Variants in OR52N1 observed in about 807,000 individuals in gnomAD.
The protein encoded by OR52N1 is olfactory receptor family 52 subfamily N member 1.
A neutral mutation model predicts 13.9 loss-of-function variants in OR52N1; 11 were observed. The ratio of observed to expected loss-of-function variants is 0.79; its 90% CI spans 0.50 to 1.31. The LOEUF is 1.31. OR52N1 is among the 40% of genes most tolerant of loss of function. The pLI is 0.00. For synonymous variants in OR52N1, 142 were observed against 143.7 expected, an observed-to-expected ratio of 0.99 and a Z score of 0.08; for missense variants, 414 against 397.7, an observed-to-expected ratio of 1.04 and a Z score of -0.35.
At chr11:5,790,037 T>C (rs1297064162) in intron 1 of OR52N1, among the ~76,000 whole-genome samples, 9 of 152,098 alleles carry the variant, frequency 5.9e-5, no homozygotes. Flanking sequence ...TGGGGGCATA[T>C]CCCATATAGA....
intron 1 of OR52N1, among the ~76,000 whole-genome samples, chr11:5,790,386 CTCTT>C (rs938194282): frequency 1.3e-5 from 2 of 152,024 alleles, no homozygotes; most frequent in Admixed American, 1.3e-4. Flanking sequence ...GCTGTCATCT[CTCTT>C]TTTTTCAGAT....
intron 1 of OR52N1, among the ~76,000 whole-genome samples, chr11:5,790,165 T>C (rs1854640839): frequency 6.6e-6 from 1 of 152,116 alleles, no homozygotes; most frequent in Admixed American, 6.6e-5. Flanking sequence ...ATGTCACTAT[T>C]GAAAATTTAA....
chr11:5,789,889 T>C (rs1564966002), intron 1 of OR52N1, among the ~76,000 whole-genome samples: 1 of 152,042 alleles, frequency 6.6e-6, no homozygotes, highest in Non-Finnish European at 1.5e-5. Flanking sequence ...GGTGTGATAG[T>C]GTGCTGTGAG....
intron 1 of OR52N1, among the ~76,000 whole-genome samples, chr11:5,790,712 T>C (rs1456306618): frequency 2.6e-5 from 4 of 152,116 alleles, no homozygotes; most frequent in African/African-American, 9.7e-5. Flanking sequence ...TTGAGCTTTT[T>C]CTCATATGAT....
chr11:5,789,615 A>C (rs567735708), intron 1 of OR52N1, among the ~76,000 whole-genome samples: 1 of 152,258 alleles, frequency 6.6e-6, no homozygotes, highest in East Asian at 1.9e-4. Context: ...TTATCATCTT[A>C]AACAAAATAA....
At position 5,788,180 on chromosome 11, in the gene OR52N1, T is replaced by C. The variant is rs960914658; in HGVS notation, c.637A>G (p.Ile213Val). The change falls in exon 2 of 2, where the codon ATC becomes GTC. Residue 213 changes from isoleucine (I) to valine (V), a missense_variant. Ile to Val is a conservative substitution (Grantham distance 29, BLOSUM62 3). Coordinates refer to ENST00000641645, the MANE Select transcript of OR52N1 (RefSeq NM_001001913.2). ...IVALLIGGFD[I>V]LCITISYTMI... ...GTGTAGGAGATTGTAATGCACAGGA[T>C]ATCAAAGCCCCCAATCAGCAGGGCA... 3 of 1,613,830 alleles carry C rather than the reference T, an allele frequency of 1.9e-6. No individual in the cohort carries two copies. The highest frequency in any genetic ancestry group is 2.5e-6 in the Non-Finnish European group (3 of 1,179,958).
At chr11:5,790,178 T>A (rs889909786) in intron 1 of OR52N1, among the ~76,000 whole-genome samples, 4 of 152,102 alleles carry the variant, frequency 2.6e-5, no homozygotes, top group Admixed American at 6.6e-5. Flanking sequence ...AAATTTAAGG[T>A]TGTATAAAAC....
In OR52N1 at chr11:5,788,619, G is replaced by A; in HGVS notation, c.198C>T (p.Ala66=). 3 of 1,614,020 alleles carry A rather than the reference G, an allele frequency of 1.9e-6. No homozygotes were observed. The highest frequency in any genetic ancestry group is 1.1e-5 in the South Asian group (1 of 91,074). The change falls in exon 2 of 2, where the codon GCC becomes GCT. Residue 66 remains alanine, a synonymous_variant. Coordinates refer to ENST00000641645, the MANE Select transcript of OR52N1 (RefSeq NM_001001913.2). Reference sequence around the variant, plus strand: ...TGAGCACATCTGTGAAGGAAAGAAGGGCAAGGAAGACATACATAGGTCTGT... The same window carrying A: ...TGAGCACATCTGTGAAGGAAAGAAGAGCAAGGAAGACATACATAGGTCTGT... ...ALHRPMYVFL[A]LLSFTDVLMC...
rs745363471 is a variant in OR52N1, at chr11:5,788,650, G to A, written c.167C>T (p.Ala56Val). ...GAAGACATACATAGGTCTGTGTAAGGCCTCATCACAGTAGATGAGGTACAT... is the reference window on the plus strand; with the variant it reads ...GAAGACATACATAGGTCTGTGTAAGACCTCATCACAGTAGATGAGGTACAT... ...GLMYLIYCDE[A>V]LHRPMYVFLA... Residue 56 changes from alanine to valine, a missense_variant, in exon 2 of 2, where the codon GCC (alanine) becomes GTC (valine). By Grantham distance (64) the Ala-to-Val change is moderately conservative. Coordinates refer to ENST00000641645, the MANE Select transcript of OR52N1 (RefSeq NM_001001913.2). The A allele has an allele frequency of 3.7e-6, 6 of 1,613,882 alleles. No individual in the cohort carries two copies. The highest frequency in any genetic ancestry group is 1.1e-5 in the South Asian group (1 of 91,072).
At chr11:5,790,456 G>C (rs1042815393) in intron 1 of OR52N1, among the ~76,000 whole-genome samples, 1 of 151,914 alleles carries the variant, frequency 6.6e-6, no homozygotes, top group Non-Finnish European at 1.5e-5. Context: ...ACAGCCAGAG[G>C]GAATAAATAG....
In OR52N1 at chr11:5,788,086, G is replaced by A. The variant is rs1390323428; in HGVS notation, c.731C>T (p.Thr244Ile). The change falls in exon 2 of 2, where the codon ACT becomes ATT. Residue 244 changes from threonine to isoleucine, a missense_variant. Transcript: ENST00000641645. Reference protein sequence around the residue: ...DARQKAFSTCTAHFCAIVLTY... With the variant: ...DARQKAFSTCIAHFCAIVLTY... ...GAGGACTATGGCACAGAAGTGGGCA[G>A]TGCAGGTGCTGAAGGCCTTCTGTCG... is the stretch of plus-strand genomic sequence containing the variant. 2 of 1,613,982 alleles carry A rather than the reference G, an allele frequency of 1.2e-6. No homozygotes were observed.
At chr11:5,790,189 T>C (rs1180250884) in intron 1 of OR52N1, among the ~76,000 whole-genome samples, 1 of 152,122 alleles carries the variant, frequency 6.6e-6, no homozygotes, top group Non-Finnish European at 1.5e-5. Flanking sequence ...TGTATAAAAC[T>C]GGCTATCCTA....
At chr11:5,789,320 C>A (rs1471985628) in intron 1 of OR52N1, among the ~76,000 whole-genome samples, 1 of 152,084 alleles carries the variant, frequency 6.6e-6, no homozygotes, top group African/African-American at 2.4e-5. Flanking sequence ...CAAACTCCAC[C>A]CTTTTGGTTT....
chr11:5,788,343 A>T lies in OR52N1; in HGVS notation c.474T>A (p.Val158=). 1.2e-6 allele frequency: 2 copies of T among 1,614,018 alleles called. No individual in the cohort carries two copies. Among genetic ancestry groups the T allele is most frequent in the Non-Finnish European group, 1.7e-6 (2 of 1,179,984 alleles). Reference sequence around the variant, plus strand: ...GCTTGGTGAGGAAAGTGGAAGGGATAACAAGCATCACACCCCTAAGAAAAG... The same window carrying T: ...GCTTGGTGAGGAAAGTGGAAGGGATTACAAGCATCACACCCCTAAGAAAAG... ...FLTFLRGVML[V]IPSTFLTKRL... is the part of the protein sequence containing the mutation. The change falls in exon 2 of 2, where the codon GTT becomes GTA. Residue 158 remains valine (V), a synonymous_variant. Transcript: ENST00000641645.
At position 5,788,655 on chromosome 11, in the gene OR52N1, A is replaced by C. The variant is rs774981754; in HGVS notation, c.162T>G (p.Asp54Glu). 1 of 1,613,970 alleles carries C rather than the reference A, an allele frequency of 6.2e-7. No homozygotes were observed. Among genetic ancestry groups the C allele is most frequent in the Non-Finnish European group, 8.5e-7 (1 of 1,179,984 alleles). Residue 54 changes from aspartate (D) to glutamate (E), a missense_variant, in exon 2 of 2, where the codon GAT becomes GAG. Asp to Glu is a conservative substitution (Grantham distance 45, BLOSUM62 2). Transcript: ENST00000641645. Reference sequence around the variant, plus strand: ...CATACATAGGTCTGTGTAAGGCCTCATCACAGTAGATGAGGTACATAAGGC... The same window carrying C: ...CATACATAGGTCTGTGTAAGGCCTCCTCACAGTAGATGAGGTACATAAGGC... ...NFGLMYLIYC[D>E]EALHRPMYVF... is the part of the protein sequence containing the mutation.
chr11:5,790,261 T>A (rs1362828210), intron 1 of OR52N1, among the ~76,000 whole-genome samples: 1 of 152,058 alleles, frequency 6.6e-6, no homozygotes, highest in Non-Finnish European at 1.5e-5. Context: ...TAGGGCTGTA[T>A]AAATGAACTC....
rs774035433 is a variant in OR52N1, at chr11:5,788,445, G to A, written c.372C>T (p.His124=). The A allele has an allele frequency of 8.1e-6, 13 of 1,613,986 alleles. No individual in the cohort carries two copies. The highest frequency in any genetic ancestry group is 1.1e-5 in the South Asian group (1 of 91,090). The change falls in exon 2 of 2, where the codon CAC becomes CAT. Residue 124 remains histidine (H), a synonymous_variant. Coordinates refer to ENST00000641645, the MANE Select transcript of OR52N1 (RefSeq NM_001001913.2). ...SGVLMLMALD[H]CVAICFPLRY... is the part of the protein sequence containing the mutation. ...GCAGAGGGAAGCAGATGGCCACACA[G>A]TGGTCCAGGGCCATGAGCATGAGCA...
Position 5,788,812 on chromosome 11 carries a change from GA to G in OR52N1, c.4del (p.Ser2HisfsTer3). M[S>X]FLNGTSLTPA... ...AGTTAGGCTGGTGCCATTTAGAAAT[GA>G]CATAATGACTGTTGGAAGTTCATTG... On this transcript the variant is annotated frameshift_variant, in exon 2 of 2. Coordinates refer to ENST00000641645, the MANE Select transcript of OR52N1 (RefSeq NM_001001913.2). LOFTEE classifies it high-confidence loss of function. 6.3e-7 allele frequency: 1 copy of G among 1,598,688 alleles called. No homozygotes were observed. Among genetic ancestry groups the G allele is most frequent in the Non-Finnish European group, 8.5e-7 (1 of 1,177,132 alleles).
At chr11:5,789,922 T>C (rs1245974621) in intron 1 of OR52N1, among the ~76,000 whole-genome samples, 1 of 151,988 alleles carries the variant, frequency 6.6e-6, no homozygotes, top group African/African-American at 2.4e-5. Context: ...AACTCAAAGT[T>C]ATGACCACAG....
Sources: gnomAD v4.1 joint callset for allele counts (sites outside exome capture counted in the v4.1 genomes callset) on GRCh38, gnomAD v4.1.1 for gene constraint, MANE v1.5 for transcripts, NCBI Gene and HGNC (gene_info 2026-07-23, HGNC 2026-07-21) for gene names.